The following UBE3D variants were observed in gnomAD, a reference collection of about 807,000 sequenced individuals.
The protein encoded by UBE3D is E3 ubiquitin-protein ligase E3D.
In UBE3D, 48 loss-of-function variants were observed where a neutral mutation model predicts 49.6. That is an observed-to-expected ratio of 0.97 (90% CI 0.77 to 1.23). The LOEUF is 1.23. Ranked by LOEUF, UBE3D falls within the 50% of genes most tolerant of loss-of-function variation. UBE3D has a pLI of 0.00. For missense variants in UBE3D, 452 were observed against 468.4 expected, an observed-to-expected ratio of 0.96 and a Z score of 0.32; for synonymous variants, 189 against 174.2, an observed-to-expected ratio of 1.08 and a Z score of -0.67.
intron 9 of UBE3D, among the ~76,000 whole-genome samples, chr6:82,951,916 A>C (rs1049650033): frequency 1.3e-5 from 2 of 152,158 alleles, no homozygotes; most frequent in African/African-American, 4.8e-5. Context: ...TGCCACTAAG[A>C]ATGTACATAA....
downstream of UBE3D, among the ~76,000 whole-genome samples, chr6:82,890,226 T>A (rs1285128926): frequency 6.6e-6 from 1 of 152,154 alleles, no homozygotes; most frequent in East Asian, 1.9e-4. Context: ...GCTATCCCTG[T>A]GTCTCTTTGT....
chr6:82,952,903 G>C (rs1480274328), intron 9 of UBE3D, among the ~76,000 whole-genome samples: 3 of 152,126 alleles, frequency 2.0e-5, no homozygotes, highest in African/African-American at 7.2e-5. Flanking sequence ...CCTTCTAGTT[G>C]CAATAGGCCA....
At chr6:83,002,390 A>G (rs1779691187) in intron 8 of UBE3D, among the ~76,000 whole-genome samples, 1 of 152,068 alleles carries the variant, frequency 6.6e-6, no homozygotes, top group Non-Finnish European at 1.5e-5. Context: ...AGCACCTTTT[A>G]AAAGGGCTAG....
intron 1 of UBE3D, among the ~76,000 whole-genome samples, chr6:83,062,827 G>T (rs1784252465): frequency 1.3e-5 from 2 of 152,128 alleles, no homozygotes; most frequent in South Asian, 4.1e-4. Context: ...TTTAATGGGA[G>T]AAATGATGGC....
At chr6:83,029,773 T>G (rs1781737110) in intron 5 of UBE3D, among the ~76,000 whole-genome samples, 1 of 152,222 alleles carries the variant, frequency 6.6e-6, no homozygotes, top group African/African-American at 2.4e-5. Flanking sequence ...GGACTCGAAC[T>G]GTGAAATGTA....
At chr6:82,895,127 A>G (rs1771220319) in intron 9 of UBE3D, among the ~76,000 whole-genome samples, 1 of 152,058 alleles carries the variant, frequency 6.6e-6, no homozygotes, top group Admixed American at 6.6e-5. Flanking sequence ...GCCTGCCAAT[A>G]TGGTAAAACC....
chr6:82,933,625 G>A (rs1230186766), intron 9 of UBE3D, among the ~76,000 whole-genome samples: 1 of 152,156 alleles, frequency 6.6e-6, no homozygotes, highest in Non-Finnish European at 1.5e-5. Context: ...TATACAAATG[G>A]CCACAACTTG....
intron 8 of UBE3D, among the ~76,000 whole-genome samples, chr6:83,014,835 T>C (rs1041460637): frequency 3.3e-5 from 5 of 152,190 alleles, no homozygotes; most frequent in Admixed American, 3.3e-4. Flanking sequence ...GGCTCAAGTC[T>C]GGAAATTGAT....
In UBE3D at chr6:83,038,494, C is replaced by A. The variant is rs755723328; in HGVS notation, c.598-9G>T. ...GTATTTGCCTTTGGTTCCTGTAGAA[C>A]AGAAAAATGTCATTTAAATGTCATT... is the stretch of plus-strand genomic sequence containing the variant. On this transcript the variant is annotated splice_polypyrimidine_tract_variant and intron_variant, in intron 4 of 9. Transcript: ENST00000369747. 6.2e-7 allele frequency: 1 copy of A among 1,601,394 alleles called. No homozygotes were observed. The highest frequency in any genetic ancestry group is 1.1e-5 in the South Asian group (1 of 87,676).
chr6:82,955,332 T>C (rs1776085721), intron 9 of UBE3D, among the ~76,000 whole-genome samples: 1 of 152,230 alleles, frequency 6.6e-6, no homozygotes, highest in African/African-American at 2.4e-5. Flanking sequence ...AAATCATCCA[T>C]GGATGACTGT....
chr6:82,949,683 A>G (rs1775650693), intron 9 of UBE3D, among the ~76,000 whole-genome samples: 1 of 152,182 alleles, frequency 6.6e-6, no homozygotes, highest in Non-Finnish European at 1.5e-5. Context: ...CCAATGGAAT[A>G]TAATAGAGAA....
chr6:82,921,527 A>G (rs1462232549), intron 9 of UBE3D, among the ~76,000 whole-genome samples: 1 of 152,166 alleles, frequency 6.6e-6, no homozygotes, highest in Non-Finnish European at 1.5e-5. Context: ...CCACTCGCCC[A>G]TAGTAAATGA....
At chr6:82,899,729 C>T (rs1002800200) in intron 9 of UBE3D, among the ~76,000 whole-genome samples, 6 of 152,202 alleles carry the variant, frequency 3.9e-5, no homozygotes, top group Non-Finnish European at 8.8e-5. Context: ...GTGAACTTCT[C>T]CTCACTTCTT....
chr6:83,049,030 T>G (rs1316845196), intron 3 of UBE3D, among the ~76,000 whole-genome samples: 1 of 152,186 alleles, frequency 6.6e-6, no homozygotes, highest in Non-Finnish European at 1.5e-5. Flanking sequence ...TCCTAGTTAT[T>G]TTTAATGTAC....
chr6:83,031,394 A>T (rs1390272610), intron 5 of UBE3D, among the ~76,000 whole-genome samples: 1 of 152,242 alleles, frequency 6.6e-6, no homozygotes, highest in Non-Finnish European at 1.5e-5. Context: ...ACGATTAGGT[A>T]GAAAAGAAAA....
chr6:83,051,044 T>C (rs1361175096), intron 3 of UBE3D, among the ~76,000 whole-genome samples: 1 of 152,206 alleles, frequency 6.6e-6, no homozygotes, highest in Non-Finnish European at 1.5e-5. Context: ...AACTAGATAA[T>C]TTGCTAGTTT....
chr6:83,065,694 G>T lies in UBE3D; in HGVS notation c.25C>A (p.Arg9Ser). The T allele has an allele frequency of 6.2e-7, 1 of 1,612,206 alleles. No homozygotes were observed. Among genetic ancestry groups the T allele is most frequent in the Non-Finnish European group, 8.5e-7 (1 of 1,179,376 alleles). Residue 9 changes from arginine to serine, a missense_variant, in exon 1 of 10, where the codon CGC becomes AGC. Transcript: ENST00000369747. MAASAAET[R>S]VFLEVRGQLQ... is the part of the protein sequence containing the mutation. Reference sequence around the variant, plus strand: ...TGTCCCCGCACCTCCAGAAACACGCGCGTCTCCGCCGCAGAAGCCGCCATG... The same window carrying T: ...TGTCCCCGCACCTCCAGAAACACGCTCGTCTCCGCCGCAGAAGCCGCCATG...
At chr6:82,971,272 T>C (rs1777333830) in intron 8 of UBE3D, among the ~76,000 whole-genome samples, 1 of 152,182 alleles carries the variant, frequency 6.6e-6, no homozygotes, top group African/African-American at 2.4e-5. Flanking sequence ...TACTATGTTC[T>C]ATTACATTAC....
chr6:82,885,184 G>T, the UBE3D span, among the ~76,000 whole-genome samples: 1,877 of 150,892 alleles, frequency 0.012, 33 homozygotes, highest in African/African-American at 0.042. Context: ...CACTGACAAA[G>T]CTATTTGGTC....
Sources: gnomAD v4.1 joint callset for allele counts (sites outside exome capture counted in the v4.1 genomes callset) on GRCh38, gnomAD v4.1.1 for gene constraint, MANE v1.5 for transcripts, NCBI Gene and HGNC (gene_info 2026-07-23, HGNC 2026-07-21) for gene names.